EGLN1: variants seen among roughly 807,000 people sequenced by gnomAD.
EGLN1 encodes the protein egl nine homolog 1.
A neutral mutation model predicts 38.3 loss-of-function variants in EGLN1; 17 were observed. The observed-to-expected ratio is 0.44, with a 90% CI of 0.30 to 0.67. EGLN1 has a LOEUF of 0.67. Among genes scored for constraint, EGLN1 ranks in the 30% least tolerant of loss-of-function variants. The probability of loss-of-function intolerance (pLI) is 0.08; values close to 1 mark genes in which losing one functional copy is unlikely to be tolerated. For synonymous variants in EGLN1, 283 were observed against 257.5 expected, an observed-to-expected ratio of 1.10 and a Z score of -0.95; for missense variants, 477 against 603.3, an observed-to-expected ratio of 0.79 and a Z score of 2.19.
Position 231,379,785 on chromosome 1 carries a change from G to A in EGLN1, c.892-5686C>T, listed in dbSNP as rs551323716. ...CATGCTCCACACAGACATTGGCCTC[G>A]GCCAGGAATTGATTCTTTATCCCTC... On this transcript the variant is annotated intron_variant, in intron 1 of 4. Coordinates refer to ENST00000366641, the MANE Select transcript of EGLN1 (RefSeq NM_022051.3). Among the ~76,000 whole-genome samples the A allele has an allele frequency of 1.1e-4, 17 of 152,324 alleles. No individual in the cohort carries two copies. In the South Asian group the frequency reaches 2.9e-3, roughly 26 times the overall value.
intron 1 of EGLN1, among the ~76,000 whole-genome samples, chr1:231,405,650 G>T (rs949975785): frequency 3.3e-5 from 5 of 151,968 alleles, no homozygotes; most frequent in African/African-American, 1.2e-4. Context: ...ATACTAGCAG[G>T]TCCTATTCCC....
Position 231,421,698 on chromosome 1 carries a change from G to A in EGLN1, c.191C>T (p.Ala64Val), listed in dbSNP as rs1197480203. ...HKLVCQGSEG[A>V]LGHGVGPHQH... The stretch of plus-strand genomic sequence containing the variant: ...GTGTGGGCCCACTCCGTGGCCGAGG[G>A]CGCCCTCGCTGCCCTGGCACACGAG... The change falls in exon 1 of 5, where the codon GCC becomes GTC. Residue 64 changes from alanine (A) to valine (V), a missense_variant. Physicochemically the swap from Ala to Val is moderately conservative, Grantham distance 64. This residue lies in a region of EGLN1 where 298 missense variants were observed against 288.9 expected (regional missense o/e 1.03). Coordinates refer to ENST00000366641, the MANE Select transcript of EGLN1 (RefSeq NM_022051.3). This position sits in a 1 kb window ranked among gnomAD's most constrained non-coding sequence, Gnocchi z 5.5. 6 of 1,513,530 alleles carry A rather than the reference G, an allele frequency of 4.0e-6. No individual in the cohort carries two copies. Among genetic ancestry groups the A allele is most frequent in the Non-Finnish European group, 5.3e-6 (6 of 1,136,946 alleles). The allele number at this position is 1,513,530 out of a possible 1,614,324, so 93.8% of individuals were successfully genotyped here. A position where few individuals can be genotyped will look rare whatever the true frequency, so the allele number is the denominator to read the frequency against.
chr1:231,385,180 G>C (rs1688172930), intron 1 of EGLN1, among the ~76,000 whole-genome samples: 1 of 152,156 alleles, frequency 6.6e-6, no homozygotes, highest in Non-Finnish European at 1.5e-5. Flanking sequence ...TAAGCAATAG[G>C]GAAAATGTAA....
chr1:231,377,421 A>G (rs1210104780), intron 1 of EGLN1, among the ~76,000 whole-genome samples: 1 of 152,228 alleles, frequency 6.6e-6, no homozygotes, highest in Non-Finnish European at 1.5e-5. Context: ...AGCCCAGAGT[A>G]GCAAAGTGGG....
At position 231,421,496 on chromosome 1, in the gene EGLN1, G is replaced by T; in HGVS notation, c.393C>A (p.Ala131=). 1 of 1,343,724 alleles carries T rather than the reference G, an allele frequency of 7.4e-7. No homozygotes were observed. The highest frequency in any genetic ancestry group is 9.5e-7 in the Non-Finnish European group (1 of 1,048,888). 83.2% of individuals were successfully genotyped at this position (1,343,724 alleles called of 1,614,324 possible). The change falls in exon 1 of 5, where the codon GCC becomes GCA. Residue 131 remains alanine (A), a synonymous_variant. Transcript: ENST00000366641. The surrounding 1 kb of genome is among the most constrained non-coding windows in gnomAD (Gnocchi z 5.5). ...CAGCCACCGCCGAGCCCTGGCCGCC[G>T]GCGGCCGCACGACACGGCGACGCGG... ...AAAASPCRAA[A]GGQGSAVAAE... is the part of the protein sequence containing the mutation.
At chr1:231,398,413 C>T (rs1688584065) in intron 1 of EGLN1, among the ~76,000 whole-genome samples, 2 of 152,134 alleles carry the variant, frequency 1.3e-5, no homozygotes, top group African/African-American at 4.8e-5. Context: ...ATTCTTCTGC[C>T]TCAGCCTCCC....
chr1:231,419,226 G>A (rs942097564), intron 1 of EGLN1, among the ~76,000 whole-genome samples: 1 of 152,096 alleles, frequency 6.6e-6, no homozygotes, highest in East Asian at 1.9e-4. Flanking sequence ...CCAACAACTA[G>A]AACTCTTGAG....
At chr1:231,390,923 C>T (rs1688350112) in intron 1 of EGLN1, among the ~76,000 whole-genome samples, 1 of 151,992 alleles carries the variant, frequency 6.6e-6, no homozygotes, top group African/African-American at 2.4e-5. Flanking sequence ...TCATAGCTCA[C>T]CGCAACGTCA....
chr1:231,370,724 C>T lies in EGLN1; in HGVS notation c.1012-26G>A, dbSNP rs766086610. 5 of 1,613,442 alleles carry T rather than the reference C, an allele frequency of 3.1e-6. No homozygotes were observed. The East Asian group carries it at 1.1e-4, about 36-fold the overall frequency. On this transcript the variant is annotated intron_variant, in intron 2 of 4. Coordinates refer to ENST00000366641, the MANE Select transcript of EGLN1 (RefSeq NM_022051.3). The stretch of plus-strand genomic sequence containing the variant: ...CTAGGAAAAGAGCCAAATATGTAAG[C>T]AGGAGTAACCAAAAATGCTACAAGA...
At position 231,393,283 on chromosome 1, in the gene EGLN1, T is replaced by C. The variant is rs1340418843; in HGVS notation, c.892-19184A>G. Among the ~76,000 whole-genome samples, 3 of 152,326 alleles carry C rather than the reference T, an allele frequency of 2.0e-5. No individual in the cohort carries two copies. The East Asian group carries it at 5.8e-4, about 29-fold the overall frequency. On this transcript the variant is annotated intron_variant, in intron 1 of 4. Transcript: ENST00000366641. ...TTTTGTTCTGGTTTGCTTAAGCTCA[T>C]TTGAAAGATTTTTGTTTTGTTTCGG...
intron 1 of EGLN1, among the ~76,000 whole-genome samples, chr1:231,413,811 AT>A (rs1689011276): frequency 6.6e-6 from 1 of 152,206 alleles, no homozygotes; most frequent in East Asian, 1.9e-4. Flanking sequence ...GAGTACACGT[AT>A]TTTGCTTTGG....
In EGLN1 at chr1:231,395,170, C is replaced by A. The variant is rs182619130; in HGVS notation, c.892-21071G>T. Among the ~76,000 whole-genome samples the A allele has an allele frequency of 2.3e-3, 355 of 152,286 alleles. 3 individuals are homozygous for A. The highest frequency in any genetic ancestry group is 8.2e-3 in the African/African-American group (342 of 41,558). On this transcript the variant is annotated intron_variant, in intron 1 of 4. Coordinates refer to ENST00000366641, the MANE Select transcript of EGLN1 (RefSeq NM_022051.3). ...GCTTCTTTATCAGCTGCTCCCTCCC[C>A]CAACATACAACATATCTGTCTCTTT...
At chr1:231,410,153 A>C (rs1395645509) in intron 1 of EGLN1, among the ~76,000 whole-genome samples, 1 of 152,206 alleles carries the variant, frequency 6.6e-6, no homozygotes, top group African/African-American at 2.4e-5. Flanking sequence ...AAAGTCACCT[A>C]ATGACTTGCT....
intron 1 of EGLN1, among the ~76,000 whole-genome samples, chr1:231,417,017 G>A (rs912159078): frequency 1.3e-5 from 2 of 152,348 alleles, no homozygotes; most frequent in East Asian, 3.9e-4. Flanking sequence ...AATAACATAA[G>A]TTTATTTTCT....
At chr1:231,370,530 C>CT in intron 3 of EGLN1, 32 bp downstream of exon 3, 1 of 1,612,406 alleles carries the variant, frequency 6.2e-7, no homozygotes, top group African/African-American at 1.3e-5. Flanking sequence ...CTACCATACT[C>CT]TAAACCAATT....
At chr1:231,385,475 G>A (rs1275876446) in intron 1 of EGLN1, among the ~76,000 whole-genome samples, 1 of 152,160 alleles carries the variant, frequency 6.6e-6, no homozygotes, top group Non-Finnish European at 1.5e-5. Flanking sequence ...GAAGGAGAGG[G>A]GGCATATTCC....
chr1:231,402,339 CTCA>C (rs879303299), intron 1 of EGLN1, among the ~76,000 whole-genome samples: 4 of 151,662 alleles, frequency 2.6e-5, no homozygotes, highest in Non-Finnish European at 5.9e-5. Flanking sequence ...TCTTTTATGG[CTCA>C]TCTTTTTTAT....
Position 231,363,995 on chromosome 1 carries a change from AACAGTTTTAAATTTTGTTTGAAAT to A in EGLN1, c.*2392_*2415del, listed in dbSNP as rs1687569438. On this transcript the variant is annotated 3_prime_UTR_variant, in exon 5 of 5. Transcript: ENST00000366641. Reference sequence around the variant, plus strand: ...CAGGATTAAACACATATAGGCCACAAACAGTTTTAAATTTTGTTTGAAATAGAGTCCTGCTTGGTGACAAGTTAA... The same window carrying A: ...CAGGATTAAACACATATAGGCCACAAAGAGTCCTGCTTGGTGACAAGTTAA... 6.6e-5 allele frequency: 10 copies of A among 151,684 alleles called. No homozygotes were observed. The highest frequency in any genetic ancestry group is 5.9e-4 in the Admixed American group (9 of 15,276). The allele number at this position is 151,684 out of a possible 1,614,324, so 9.4% of individuals were successfully genotyped here. A position where few individuals can be genotyped will look rare whatever the true frequency, so the allele number is the denominator to read the frequency against.
intron 1 of EGLN1, among the ~76,000 whole-genome samples, chr1:231,419,854 G>A (rs1480585448): frequency 6.6e-6 from 1 of 152,172 alleles, no homozygotes; most frequent in Non-Finnish European, 1.5e-5. Context: ...CAAAGTAGAT[G>A]ATCTGACACA....
Sources: allele counts gnomAD v4.1 joint callset (sites outside exome capture counted in the v4.1 genomes callset), GRCh38; gene constraint gnomAD v4.1.1; regional missense constraint gnomAD v4.1.1; non-coding constraint Gnocchi (gnomAD v3.1); transcripts MANE v1.5; gene names NCBI Gene and HGNC (gene_info 2026-07-23, HGNC 2026-07-21).